SMYD3: variants seen among roughly 807,000 people sequenced by gnomAD.
SMYD3 encodes the protein SET and MYND domain containing 3, also known as histone-lysine N-methyltransferase SMYD3.
A neutral mutation model predicts 57.7 loss-of-function variants in SMYD3; 36 were observed. The ratio of observed to expected loss-of-function variants is 0.62; its 90% CI spans 0.48 to 0.82. The LOEUF is 0.82. Ranked by LOEUF, SMYD3 falls within the 40% of genes least tolerant of loss-of-function variation. The pLI is 0.00. For missense variants in SMYD3, 515 were observed against 538.8 expected (o/e 0.96, Z 0.44); for synonymous variants, 211 against 195.0 (o/e 1.08, Z -0.68).
At chr1:246,310,312 G>C (rs1258127277) in intron 5 of SMYD3, among the ~76,000 whole-genome samples, 1 of 152,162 alleles carries the variant, frequency 6.6e-6, no homozygotes, top group Non-Finnish European at 1.5e-5. Flanking sequence ...GCTCCAAAAT[G>C]TCTGGAGGTG....
chr1:246,235,334 T>C (rs2063497100), intron 5 of SMYD3, among the ~76,000 whole-genome samples: 1 of 152,234 alleles, frequency 6.6e-6, no homozygotes, highest in Non-Finnish European at 1.5e-5. Context: ...GGAATATAAA[T>C]AACACATCAG....
At chr1:246,019,007 A>C (rs1207912949) in intron 5 of SMYD3, among the ~76,000 whole-genome samples, 1 of 151,836 alleles carries the variant, frequency 6.6e-6, no homozygotes, top group Admixed American at 6.6e-5. Context: ...TTCTTGACTT[A>C]TTTTTTTTAA....
At chr1:245,903,240 G>T (rs996169567) in intron 8 of SMYD3, among the ~76,000 whole-genome samples, 3 of 151,964 alleles carry the variant, frequency 2.0e-5, no homozygotes, top group Non-Finnish European at 4.4e-5. Flanking sequence ...TCATGAAGAA[G>T]GAATTTCTGA....
intron 1 of SMYD3, among the ~76,000 whole-genome samples, chr1:246,499,399 T>TACACACAC (rs1223387340): frequency 5.0e-5 from 2 of 39,670 alleles, no homozygotes; most frequent in African/African-American, 1.2e-4. Context: ...AACCATCAAA[T>TACACACAC]ATACACACAC....
intron 1 of SMYD3, among the ~76,000 whole-genome samples, chr1:246,444,232 T>C (rs905360504): frequency 1.3e-5 from 2 of 151,288 alleles, no homozygotes; most frequent in African/African-American, 4.9e-5. Flanking sequence ...GTTCAAGCAA[T>C]TTTCTGCCTC....
intron 5 of SMYD3, among the ~76,000 whole-genome samples, chr1:246,128,348 C>T (rs1030530194): frequency 6.6e-6 from 1 of 152,202 alleles, no homozygotes; most frequent in Admixed American, 6.5e-5. Context: ...GAATATATTT[C>T]TATGAGGGGA....
chr1:246,120,611 G>C (rs1178409763), intron 5 of SMYD3, among the ~76,000 whole-genome samples: 1 of 152,116 alleles, frequency 6.6e-6, no homozygotes, highest in Non-Finnish European at 1.5e-5. Context: ...AGTATGTTGT[G>C]TCCAGTTCTG....
At chr1:246,434,318 A>T (rs1349788156) in intron 1 of SMYD3, among the ~76,000 whole-genome samples, 1 of 152,262 alleles carries the variant, frequency 6.6e-6, no homozygotes, top group African/African-American at 2.4e-5. Context: ...GCATCTGCAC[A>T]GCAAAAGAAA....
intron 5 of SMYD3, among the ~76,000 whole-genome samples, chr1:245,973,206 C>T (rs2058343616): frequency 6.6e-6 from 1 of 152,230 alleles, no homozygotes; most frequent in Non-Finnish European, 1.5e-5. Context: ...GCTTAAAGCA[C>T]ATGCCCTATT....
intron 5 of SMYD3, among the ~76,000 whole-genome samples, chr1:246,223,208 A>G (rs1220495626): frequency 6.6e-6 from 1 of 152,142 alleles, no homozygotes; most frequent in African/African-American, 2.4e-5. Context: ...GTCATAAGGA[A>G]GCCGTGGGGC....
chr1:245,936,665 C>A (rs1203548537), intron 5 of SMYD3, among the ~76,000 whole-genome samples: 1 of 152,192 alleles, frequency 6.6e-6, no homozygotes, highest in Admixed American at 6.5e-5. Flanking sequence ...GAGGCCAAGG[C>A]AAGTGGATCG....
At chr1:245,937,000 ACAAGT>A (rs1041570729) in intron 5 of SMYD3, among the ~76,000 whole-genome samples, 3 of 152,254 alleles carry the variant, frequency 2.0e-5, no homozygotes, top group African/African-American at 7.2e-5. Context: ...ACTTTGTAAT[ACAAGT>A]CAAGTAAAAA....
At chr1:245,803,995 C>A (rs536942456) in intron 10 of SMYD3, among the ~76,000 whole-genome samples, 2 of 150,458 alleles carry the variant, frequency 1.3e-5, no homozygotes, top group South Asian at 2.1e-4. Flanking sequence ...CTCACTGCAA[C>A]CTCCGCCTCC....
rs1558348050 is a variant in SMYD3 at position 246,248,635 on chromosome 1, C to CT, written c.531+78565_531+78566insA. ...AGTTATGCAAAAGCTCTCTGACTTT[C>CT]CTTTTTTTTTTTTTTTTTTTTTTTG... On this transcript the variant is annotated intron_variant, in intron 5 of 11. Coordinates refer to ENST00000490107, the MANE Select transcript of SMYD3 (RefSeq NM_001167740.2). Among the ~76,000 whole-genome samples the CT allele has an allele frequency of 1.5e-3, 104 of 68,310 alleles. No homozygotes were observed. In the East Asian group the frequency reaches 0.026, roughly 17 times the overall value. 44.8% of individuals were successfully genotyped at this position (68,310 alleles called of 152,430 possible).
At chr1:246,399,264 T>C (rs1036353246) in intron 1 of SMYD3, among the ~76,000 whole-genome samples, 1 of 152,174 alleles carries the variant, frequency 6.6e-6, no homozygotes, top group East Asian at 1.9e-4. Context: ...CCTCAAATGA[T>C]CCACCTGCCT....
chr1:246,476,803 T>C (rs1314378534), intron 1 of SMYD3, among the ~76,000 whole-genome samples: 1 of 151,856 alleles, frequency 6.6e-6, no homozygotes. Context: ...CAACTTTTTC[T>C]TTTTTGCAGA....
At chr1:246,209,698 A>G (rs576498702) in intron 5 of SMYD3, among the ~76,000 whole-genome samples, 1 of 152,316 alleles carries the variant, frequency 6.6e-6, no homozygotes, top group African/African-American at 2.4e-5. Context: ...CAGAACACTG[A>G]GATCAAGACT....
chr1:246,024,391 G>T, intron 5 of SMYD3, among the ~76,000 whole-genome samples: 1 of 75,266 alleles, frequency 1.3e-5, no homozygotes, highest in Non-Finnish European at 2.8e-5. Flanking sequence ...TACAGGAAGT[G>T]GACAGCATCT....
intron 5 of SMYD3, among the ~76,000 whole-genome samples, chr1:246,037,563 T>A (rs2059798378): frequency 6.6e-6 from 1 of 152,230 alleles, no homozygotes; most frequent in South Asian, 2.1e-4. Flanking sequence ...ATCACAGCCT[T>A]CTTCGGATGA....
Sources: gnomAD v4.1 joint callset for allele counts (sites outside exome capture counted in the v4.1 genomes callset) on GRCh38, gnomAD v4.1.1 for gene constraint, MANE v1.5 for transcripts, NCBI Gene and HGNC (gene_info 2026-07-23, HGNC 2026-07-21) for gene names.